The following GABRA2 variants were observed in gnomAD, a reference collection of about 807,000 sequenced individuals.
GABRA2 encodes gamma-aminobutyric acid receptor subunit alpha-2.
In GABRA2, 16 loss-of-function variants were observed where a neutral mutation model predicts 48.7. The observed-to-expected ratio is 0.33, with a 90% confidence interval of 0.22 to 0.50. GABRA2 has a LOEUF of 0.50. Ranked by LOEUF, GABRA2 falls within the 20% of genes least tolerant of loss-of-function variation. GABRA2 has a pLI of 0.98. For synonymous variants in GABRA2, 185 were observed against 184.5 expected, an observed-to-expected ratio of 1.00 and a Z score of -0.02; for missense variants, 275 against 535.6, an observed-to-expected ratio of 0.51 and a Z score of 4.80.
chr4:46,347,754 A>C (rs963035811), intron 3 of GABRA2, among the ~76,000 whole-genome samples: 1 of 151,966 alleles, frequency 6.6e-6, no homozygotes, highest in Admixed American at 6.6e-5. Flanking sequence ...GAATTGTATC[A>C]GACTAAAAAA....
At position 46,334,010 on chromosome 4, in the gene GABRA2, A is replaced by T. The variant is rs1221979706; in HGVS notation, c.188-1328T>A. On this transcript the variant is annotated intron_variant, in intron 3 of 9. Coordinates refer to ENST00000381620, the MANE Select transcript of GABRA2 (RefSeq NM_000807.4). ...AAGGCATAGTTATAGTGCTCCAAATAAATATGTTCATTAAGCTTTGTTGTA... is the reference window on the plus strand; with the variant it reads ...AAGGCATAGTTATAGTGCTCCAAATTAATATGTTCATTAAGCTTTGTTGTA... Among the ~76,000 whole-genome samples, 4 of 152,264 alleles carry T rather than the reference A, an allele frequency of 2.6e-5. No homozygotes were observed. The South Asian group carries it at 6.2e-4, about 24-fold the overall frequency.
intron 3 of GABRA2, among the ~76,000 whole-genome samples, chr4:46,334,985 G>A (rs1430666325): frequency 6.6e-6 from 1 of 152,068 alleles, no homozygotes; most frequent in Non-Finnish European, 1.5e-5. Context: ...AATATGGATG[G>A]ATGCACAGAG....
intron 3 of GABRA2, among the ~76,000 whole-genome samples, chr4:46,333,422 G>T (rs1731703066): frequency 6.6e-6 from 1 of 151,768 alleles, no homozygotes; most frequent in Non-Finnish European, 1.5e-5. Flanking sequence ...GTCAAAGAAA[G>T]ATCAAAAAAC....
intron 3 of GABRA2, among the ~76,000 whole-genome samples, chr4:46,336,279 T>C (rs1732223525): frequency 6.6e-6 from 1 of 152,152 alleles, no homozygotes; most frequent in Admixed American, 6.5e-5. Flanking sequence ...AAGATGCCCA[T>C]CAGTTGTGAA....
chr4:46,310,958 C>T (rs947896406), intron 5 of GABRA2, among the ~76,000 whole-genome samples: 3 of 152,080 alleles, frequency 2.0e-5, no homozygotes, highest in Admixed American at 2.0e-4. Flanking sequence ...GTGGATATAG[C>T]AGGTACTAAA....
At chr4:46,330,591 T>TATATATATATATATAGAG (rs1411755120) in intron 4 of GABRA2, among the ~76,000 whole-genome samples, 1 of 122,692 alleles carries the variant, frequency 8.2e-6, no homozygotes, top group Admixed American at 9.5e-5. Flanking sequence ...TATATATATA[T>TATATATATATATATAGAG]AGAGAGAGAG....
intron 8 of GABRA2, among the ~76,000 whole-genome samples, chr4:46,296,734 G>A (rs1724793791): frequency 6.6e-6 from 1 of 151,556 alleles, no homozygotes; most frequent in Non-Finnish European, 1.5e-5. Context: ...AGTAGAAGAA[G>A]GTAGTCATCA....
At chr4:46,298,853 C>T (rs943283949) in intron 8 of GABRA2, among the ~76,000 whole-genome samples, 14 of 151,778 alleles carry the variant, frequency 9.2e-5, no homozygotes, top group African/African-American at 3.4e-4. Flanking sequence ...AACTGTGTAG[C>T]AACTAAAATT....
intron 4 of GABRA2, among the ~76,000 whole-genome samples, chr4:46,320,151 A>G (rs575289247): frequency 3.3e-5 from 5 of 151,982 alleles, no homozygotes; most frequent in Admixed American, 3.3e-4. Flanking sequence ...GGAAGAACTA[A>G]GTTGTAGGGC....
chr4:46,308,386 G>A (rs1273798223), intron 6 of GABRA2, among the ~76,000 whole-genome samples: 1 of 152,144 alleles, frequency 6.6e-6, no homozygotes, highest in East Asian at 1.9e-4. Context: ...TGGAGTGGGG[G>A]TAGGGAAGAA....
At chr4:46,320,175 T>C (rs1264369673) in intron 4 of GABRA2, among the ~76,000 whole-genome samples, 3 of 151,862 alleles carry the variant, frequency 2.0e-5, no homozygotes, top group African/African-American at 7.2e-5. Context: ...GACTGGAGTT[T>C]TGGAATTTCT....
intron 8 of GABRA2, chr4:46,302,464 A>C (rs1191341042): frequency 6.6e-6 from 1 of 152,044 alleles, no homozygotes; most frequent in Admixed American, 6.6e-5. Context: ...AAATTTAAAA[A>C]TTCCCCTCCC....
rs543956832 is a variant in GABRA2, at chr4:46,266,233, T to C, written c.857-4105A>G. ...TCTGTCTAGTTATATTCATTTTTAA[T>C]GTTTTAAAATTAATATTTCAATATT... On this transcript the variant is annotated intron_variant, in intron 8 of 9. Transcript: ENST00000381620. 2.0e-5 allele frequency among the ~76,000 whole-genome samples: 3 copies of C among 149,904 alleles called. 1 individual carries two copies. The South Asian group carries it at 6.2e-4, about 31-fold the overall frequency.
intron 9 of GABRA2, 72 bp downstream of exon 9, chr4:46,261,854 A>G (rs1378828299): frequency 2.5e-6 from 3 of 1,183,842 alleles, no homozygotes; most frequent in Non-Finnish European, 3.8e-6. Flanking sequence ...CAGTTTTTAG[A>G]AACATATCTG....
chr4:46,308,002 G>A (rs1213109161), intron 6 of GABRA2, among the ~76,000 whole-genome samples: 2 of 152,074 alleles, frequency 1.3e-5, no homozygotes, highest in Non-Finnish European at 1.5e-5. Flanking sequence ...AATTCCACTT[G>A]TAAATTAAGC....
At chr4:46,298,056 A>G (rs546870197) in intron 8 of GABRA2, among the ~76,000 whole-genome samples, 6 of 152,066 alleles carry the variant, frequency 3.9e-5, no homozygotes, top group Non-Finnish European at 8.8e-5. Context: ...TTTTCATTCT[A>G]CAGTTATTTC....
At chr4:46,333,084 T>G (rs1731646087) in intron 3 of GABRA2, among the ~76,000 whole-genome samples, 1 of 152,146 alleles carries the variant, frequency 6.6e-6, no homozygotes, top group Non-Finnish European at 1.5e-5. Context: ...TTTCAGTATC[T>G]CGTGATAGTA....
chr4:46,373,924 T>G (rs573572614), intron 3 of GABRA2, among the ~76,000 whole-genome samples: 1 of 152,330 alleles, frequency 6.6e-6, no homozygotes, highest in Admixed American at 6.5e-5. Context: ...CTACCTGACC[T>G]GAACACCAGC....
In GABRA2 at chr4:46,249,102, G is replaced by A. The variant is rs973394091; in HGVS notation, c.*1206C>T. On this transcript the variant is annotated 3_prime_UTR_variant, in exon 10 of 10. Coordinates refer to ENST00000381620, the MANE Select transcript of GABRA2 (RefSeq NM_000807.4). ...AAATAATCCACAATCTATTGGTGATGTTTTAAAGTTGCAGTGTAAAAATGT... is the reference window on the plus strand; with the variant it reads ...AAATAATCCACAATCTATTGGTGATATTTTAAAGTTGCAGTGTAAAAATGT... 2 of 146,312 alleles carry A rather than the reference G, an allele frequency of 1.4e-5. No individual in the cohort carries two copies. Among genetic ancestry groups the A allele is most frequent in the Non-Finnish European group, 3.0e-5 (2 of 66,360 alleles). 9.1% of individuals were successfully genotyped at this position (146,312 alleles called of 1,614,324 possible). A position where few individuals can be genotyped will look rare whatever the true frequency, so the allele number is the denominator to read the frequency against.
Sources: gnomAD v4.1 joint callset for allele counts (sites outside exome capture counted in the v4.1 genomes callset) on GRCh38, gnomAD v4.1.1 for gene constraint, MANE v1.5 for transcripts, NCBI Gene and HGNC (gene_info 2026-07-23, HGNC 2026-07-21) for gene names.